The following LSP1 variants were observed in gnomAD, a reference collection of about 807,000 sequenced individuals.
The protein encoded by LSP1 is lymphocyte specific protein 1, also known as lymphocyte-specific protein 1.
In LSP1, 32 loss-of-function variants were observed where a neutral mutation model predicts 49.3. That is an observed-to-expected ratio of 0.65 (90% CI 0.49 to 0.87). The LOEUF is 0.87. LSP1 is among the 40% of genes least tolerant of loss of function. The pLI is 0.00. For missense variants in LSP1, 428 were observed against 442.6 expected (o/e 0.97, Z 0.30); for synonymous variants, 179 against 178.8 (o/e 1.00, Z -0.01).
At position 1,884,650 on chromosome 11, in the gene LSP1, C is replaced by T. The variant is rs61868799; in HGVS notation, c.717+69C>T. 0.013 allele frequency: 18,142 copies of T among 1,357,930 alleles called. 155 individuals are homozygous for T. Among genetic ancestry groups the T allele is most frequent in the Non-Finnish European group, 0.016 (14,939 of 955,174 alleles). The allele number at this position is 1,357,930 out of a possible 1,614,324, so 84.1% of individuals were successfully genotyped here. A position where few individuals can be genotyped will look rare whatever the true frequency, so the allele number is the denominator to read the frequency against. ...TGGCACCATTCCTTCATCCAACCAA[C>T]GCCCTTCCATCCAATCAGTGCCGCC... On this transcript the variant is annotated intron_variant, in intron 7 of 10. Transcript: ENST00000311604. The surrounding 1 kb of genome is among the most constrained non-coding windows in gnomAD (Gnocchi z 4.1).
intron 1 of LSP1, among the ~76,000 whole-genome samples, chr11:1,869,902 T>C (rs1036926730): frequency 2.0e-5 from 3 of 152,030 alleles, no homozygotes; most frequent in African/African-American, 4.8e-5. Flanking sequence ...GCAGCACCTC[T>C]TCTGGCCTCT....
At chr11:1,879,846 G>A (rs531065694) in intron 1 of LSP1, among the ~76,000 whole-genome samples, 1 of 152,316 alleles carries the variant, frequency 6.6e-6, no homozygotes, top group South Asian at 2.1e-4. Context: ...GCACAGGGGT[G>A]CCCAGATCCT....
intron 1 of LSP1, chr11:1,870,462 A>G: frequency 8.3e-7 from 1 of 1,198,374 alleles, no homozygotes. Context: ...GTCAGCCATG[A>G]AAGCTTCGGG....
chr11:1,878,547 G>C (rs555115411), intron 1 of LSP1, among the ~76,000 whole-genome samples: 16 of 152,202 alleles, frequency 1.1e-4, no homozygotes, highest in African/African-American at 3.6e-4. Flanking sequence ...TCGGTGGGGG[G>C]AGTGGGCCTT....
At chr11:1,853,733 C>T (rs1847418898) in intron 1 of LSP1, among the ~76,000 whole-genome samples, 1 of 152,288 alleles carries the variant, frequency 6.6e-6, no homozygotes, top group Non-Finnish European at 1.5e-5. Flanking sequence ...CCTTGACCTG[C>T]GGTAAAGGAC....
chr11:1,867,472 C>T (rs1847833133), intron 1 of LSP1, among the ~76,000 whole-genome samples: 1 of 152,040 alleles, frequency 6.6e-6, no homozygotes, highest in Non-Finnish European at 1.5e-5. Flanking sequence ...GCCCTGCAGG[C>T]CAGGCAGACT....
intron 1 of LSP1, among the ~76,000 whole-genome samples, chr11:1,875,011 G>C (rs1221888628): frequency 2.0e-5 from 3 of 152,186 alleles, no homozygotes. Context: ...CTCCCTGTGT[G>C]ATGGGGTGGG....
chr11:1,886,838 A>G lies in LSP1; in HGVS notation c.824A>G (p.Gln275Arg). Reference protein sequence around the residue: ...SRWETGEVQAQSAAKTPSCKD... With the variant: ...SRWETGEVQARSAAKTPSCKD... ...TGGGAGACGGGTGAGGTACAGGCTC[A>G]GTCTGCGGCCAAGACTCCGTCCTGC... The change falls in exon 8 of 11, where the codon CAG becomes CGG. Residue 275 changes from glutamine (Q) to arginine (R), a missense_variant. Gln to Arg is a conservative substitution (Grantham distance 43). Coordinates refer to ENST00000311604, the MANE Select transcript of LSP1 (RefSeq NM_002339.3). 1 of 1,611,734 alleles carries G rather than the reference A, an allele frequency of 6.2e-7. No individual in the cohort carries two copies. Among genetic ancestry groups the G allele is most frequent in the East Asian group, 2.2e-5 (1 of 44,876 alleles).
rs1297242030 is a variant in LSP1 at position 1,886,807 on chromosome 11, AG to A, written c.794del (p.Ser265IlefsTer27). On this transcript the variant is annotated frameshift_variant, in exon 8 of 11. Transcript: ENST00000311604. LOFTEE classifies it high-confidence loss of function. The part of the protein sequence containing the change: ...LPSMAVASTK[S>X]RWETGEVQAQ... ...CAGCATGGCTGTGGCCAGTACCAAG[AG>A]TCGGTGGGAGACGGGTGAGGTACAG... 6.2e-7 allele frequency: 1 copy of A among 1,611,752 alleles called. No individual in the cohort carries two copies. The highest frequency in any genetic ancestry group is 1.3e-5 in the African/African-American group (1 of 74,866).
chr11:1,875,458 C>T (rs1246881124), intron 1 of LSP1, among the ~76,000 whole-genome samples: 1 of 152,226 alleles, frequency 6.6e-6, no homozygotes, highest in Non-Finnish European at 1.5e-5. Flanking sequence ...TCCCTCTGAG[C>T]AATCCTGCTC....
chr11:1,882,357 C>T (rs1848580416), intron 3 of LSP1, among the ~76,000 whole-genome samples: 1 of 152,200 alleles, frequency 6.6e-6, no homozygotes, highest in Non-Finnish European at 1.5e-5. Flanking sequence ...GGTCAGGGTC[C>T]TTCCTGGCCC....
intron 10 of LSP1, chr11:1,889,147 A>G (rs1448971361): frequency 1.5e-6 from 1 of 655,140 alleles, no homozygotes; most frequent in East Asian, 2.8e-5. Context: ...TGGCCACTTC[A>G]CTGGAGCCTC....
chr11:1,861,203 G>T (rs1006939816), intron 1 of LSP1, among the ~76,000 whole-genome samples: 1 of 152,274 alleles, frequency 6.6e-6, no homozygotes, highest in East Asian at 1.9e-4. Context: ...CCCAAGGAAA[G>T]AATTACTTAT....
chr11:1,883,422 C>A lies in LSP1; in HGVS notation c.360C>A (p.Pro120=). ...RSPEGEQEDR[P]GLHAYEKEDS... is the part of the protein sequence containing the mutation. ...TTGCCTCCCTTTCCACCCACAGGCCCGGCCTGCATGCCTACGAAAAGGAGG... is the reference window on the plus strand; with the variant it reads ...TTGCCTCCCTTTCCACCCACAGGCCAGGCCTGCATGCCTACGAAAAGGAGG... The change falls in exon 4 of 11, where the codon CCC becomes CCA. Residue 120 remains proline, a synonymous_variant. Coordinates refer to ENST00000311604, the MANE Select transcript of LSP1 (RefSeq NM_002339.3). The A allele has an allele frequency of 6.2e-7, 1 of 1,614,018 alleles. No individual in the cohort carries two copies. The highest frequency in any genetic ancestry group is 8.5e-7 in the Non-Finnish European group (1 of 1,179,968).
At chr11:1,880,270 G>A in intron 2 of LSP1, 46 bp downstream of exon 2, 1 of 1,507,724 alleles carries the variant, frequency 6.6e-7, no homozygotes, top group Non-Finnish European at 8.9e-7. Context: ...CCCTATCCGT[G>A]TACCCTGGGG....
intron 1 of LSP1, among the ~76,000 whole-genome samples, chr11:1,875,395 G>C (rs1363220375): frequency 6.6e-6 from 1 of 152,202 alleles, no homozygotes; most frequent in Non-Finnish European, 1.5e-5. Flanking sequence ...GAGGGTCCCA[G>C]TGCTTCCTCC....
At chr11:1,854,631 C>A (rs1048717482) in intron 1 of LSP1, among the ~76,000 whole-genome samples, 1 of 152,202 alleles carries the variant, frequency 6.6e-6, no homozygotes, top group African/African-American at 2.4e-5. Context: ...GAGGCCGGGG[C>A]TGGCTGAGGG....
intron 1 of LSP1, among the ~76,000 whole-genome samples, chr11:1,874,906 G>A (rs1848243704): frequency 6.6e-6 from 1 of 152,162 alleles, no homozygotes; most frequent in South Asian, 2.1e-4. Flanking sequence ...AGGCAACACT[G>A]CCGGCTGGGG....
intron 1 of LSP1, among the ~76,000 whole-genome samples, chr11:1,865,579 G>A (rs563570694): frequency 1.3e-4 from 14 of 110,968 alleles, no homozygotes; most frequent in East Asian, 7.2e-4. Context: ...CGCTCACACC[G>A]TCCCACCTGC....
Sources: gnomAD v4.1 joint callset for allele counts (sites outside exome capture counted in the v4.1 genomes callset) on GRCh38, gnomAD v4.1.1 for gene constraint, Gnocchi (gnomAD v3.1) non-coding constraint, MANE v1.5 for transcripts, NCBI Gene and HGNC (gene_info 2026-07-23, HGNC 2026-07-21) for gene names.